Variants in PFKP observed in about 807,000 individuals in gnomAD.
PFKP encodes ATP-dependent 6-phosphofructokinase, platelet type.
PFKP carries 101 observed loss-of-function variants against 94.3 expected under a neutral mutation model. The observed-to-expected ratio is 1.07, with a 90% CI of 0.91 to 1.26. The LOEUF (loss-of-function observed/expected upper bound fraction) is 1.26. Among genes scored for constraint, PFKP ranks in the 50% most tolerant of loss-of-function variants. The pLI, the probability that PFKP is intolerant of heterozygous loss-of-function variation, is 0.00. For missense variants in PFKP, 1,145 were observed against 1,103.3 expected (o/e 1.04, Z -0.53); for synonymous variants, 573 against 432.6 (o/e 1.32, Z -4.03).
intron 1 of PFKP, chr10:3,069,303 T>C: frequency 2.0e-6 from 3 of 1,533,924 alleles, no homozygotes; most frequent in South Asian, 2.4e-5. Context: ...GAAAACGTGA[T>C]GCAGCAGAGG....
intron 1 of PFKP, chr10:3,068,693 G>A (rs561744654): frequency 1.1e-5 from 11 of 984,790 alleles, no homozygotes; most frequent in African/African-American, 1.7e-5. Context: ...GCACGTGGGG[G>A]CGCCGGTGCC....
intron 8 of PFKP, chr10:3,107,918 G>T: frequency 1.6e-6 from 2 of 1,289,648 alleles, no homozygotes; most frequent in African/African-American, 1.5e-5. Context: ...CCGGGGCTGG[G>T]GATGGGCTGT....
chr10:3,135,471 CCACTATTT>C (rs897732899), intron 20 of PFKP, among the ~76,000 whole-genome samples: 11 of 152,160 alleles, frequency 7.2e-5, no homozygotes, highest in African/African-American at 2.7e-4. Context: ...TTTCCCTATT[CCACTATTT>C]AGTGAAAAAT....
chr10:3,130,081 C>A, intron 17 of PFKP, 98 bp downstream of exon 17: 1 of 1,078,164 alleles, frequency 9.3e-7, no homozygotes, highest in Non-Finnish European at 1.3e-6. Context: ...TTCCAAGGGG[C>A]ATGGAGATGG....
chr10:3,111,730 C>T (rs1412243145), intron 10 of PFKP, among the ~76,000 whole-genome samples: 2 of 152,108 alleles, frequency 1.3e-5, no homozygotes, highest in Non-Finnish European at 2.9e-5. Flanking sequence ...TGCATCAGTC[C>T]CAGCCCCGTG....
chr10:3,125,399 A>C, intron 16 of PFKP: 1 of 389,248 alleles, frequency 2.6e-6, no homozygotes, highest in Non-Finnish European at 4.1e-6. Flanking sequence ...ACAGGGTAAA[A>C]TTTTTTTAGC....
intron 11 of PFKP, 45 bp downstream of exon 11, chr10:3,112,331 C>T (rs750411613): frequency 2.2e-5 from 31 of 1,435,914 alleles, no homozygotes; most frequent in East Asian, 1.6e-4. Context: ...GAACACACAC[C>T]CCTCAGGCCC....
chr10:3,086,824 C>A (rs978886932), intron 2 of PFKP, among the ~76,000 whole-genome samples: 1 of 152,088 alleles, frequency 6.6e-6, no homozygotes, highest in African/African-American at 2.4e-5. Flanking sequence ...TTTTATTGGT[C>A]ACTGTGTGCT....
At chr10:3,125,817 A>C (rs1351401626) in intron 16 of PFKP, among the ~76,000 whole-genome samples, 1 of 152,026 alleles carries the variant, frequency 6.6e-6, no homozygotes, top group Admixed American at 6.5e-5. Flanking sequence ...GGTCCCTGAT[A>C]CTCTGACCTA....
chr10:3,089,667 A>G (rs1451015515), intron 2 of PFKP, among the ~76,000 whole-genome samples: 1 of 149,650 alleles, frequency 6.7e-6, no homozygotes, highest in African/African-American at 2.4e-5. Context: ...ATATTATTAT[A>G]CATTATGTAT....
chr10:3,116,730 C>T (rs1313645258), intron 13 of PFKP, 46 bp from the exon 14 acceptor site: 1 of 1,455,282 alleles, frequency 6.9e-7, no homozygotes, highest in Non-Finnish European at 9.7e-7. Context: ...TGCAACTTGC[C>T]TTTCATTGTT....
chr10:3,127,335 C>T (rs1838069330), intron 16 of PFKP, among the ~76,000 whole-genome samples: 1 of 152,250 alleles, frequency 6.6e-6, no homozygotes, highest in African/African-American at 2.4e-5. Context: ...GGGACCAGAA[C>T]TCAGACACGC....
At chr10:3,067,822 G>T (rs1023499664) in intron 1 of PFKP, 115 bp downstream of exon 1, 59 of 496,952 alleles carry the variant, frequency 1.2e-4, no homozygotes, top group African/African-American at 9.7e-4. Flanking sequence ...GGGGGGACCC[G>T]GGGAAAGGTG....
intron 2 of PFKP, among the ~76,000 whole-genome samples, chr10:3,090,462 C>T (rs971981293): frequency 6.6e-6 from 1 of 152,192 alleles, no homozygotes; most frequent in Non-Finnish European, 1.5e-5. Context: ...GACGCGCATG[C>T]CTTTGACTCC....
At chr10:3,086,646 A>G (rs1301166942) in intron 2 of PFKP, among the ~76,000 whole-genome samples, 1 of 152,122 alleles carries the variant, frequency 6.6e-6, no homozygotes, top group Non-Finnish European at 1.5e-5. Context: ...GGGACCCTGC[A>G]CTAAACCAAG....
rs749875478 is a variant in PFKP at position 3,101,350 on chromosome 10, T to C, written c.265-15T>C. The C allele has an allele frequency of 2.0e-5, 31 of 1,565,518 alleles. No individual in the cohort carries two copies. The Admixed American group carries it at 5.8e-4, about 29-fold the overall frequency. Reference sequence around the variant, plus strand: ...TCAGACTGAGAGGAGATAAATTAGCTGGTGTCTTTCCCAGGGCGGGACGAT... The same window carrying C: ...TCAGACTGAGAGGAGATAAATTAGCCGGTGTCTTTCCCAGGGCGGGACGAT... On this transcript the variant is annotated splice_polypyrimidine_tract_variant and intron_variant, in intron 3 of 21. Transcript: ENST00000381125.
chr10:3,071,422 A>T (rs1588372638), intron 1 of PFKP, among the ~76,000 whole-genome samples: 2 of 123,220 alleles, frequency 1.6e-5, no homozygotes, highest in African/African-American at 3.1e-5. Flanking sequence ...CTTCTGTCTC[A>T]GGCTGTTTTT....
rs915308748 is a variant in PFKP at position 3,098,170 on chromosome 10, C to G, written c.187-1105C>G. On this transcript the variant is annotated intron_variant, in intron 2 of 21. Transcript: ENST00000381125. ...AGTCATTTCAATTTTAAAAACCTTTCTTTTTTCTGTCCTCCGGACCTTCAC... is the reference window on the plus strand; with the variant it reads ...AGTCATTTCAATTTTAAAAACCTTTGTTTTTTCTGTCCTCCGGACCTTCAC... Among the ~76,000 whole-genome samples the G allele has an allele frequency of 4.6e-5, 7 of 152,216 alleles. No homozygotes were observed. The South Asian group carries it at 1.2e-3, about 27-fold the overall frequency.
At chr10:3,122,828 C>T (rs990219724) in intron 16 of PFKP, among the ~76,000 whole-genome samples, 8 of 152,314 alleles carry the variant, frequency 5.3e-5, no homozygotes, top group South Asian at 2.1e-4. Flanking sequence ...ATGTTTGCAA[C>T]GTCCAGGGAG....
Sources: gnomAD v4.1 joint callset for allele counts (sites outside exome capture counted in the v4.1 genomes callset) on GRCh38, gnomAD v4.1.1 for gene constraint, MANE v1.5 for transcripts, NCBI Gene and HGNC (gene_info 2026-07-23, HGNC 2026-07-21) for gene names.